Variants in SNCAIP observed in about 807,000 individuals in gnomAD.
The protein encoded by SNCAIP is synuclein alpha interacting protein.
SNCAIP carries 43 observed loss-of-function variants against 86.7 expected under a neutral mutation model. That is an observed-to-expected ratio of 0.50 (90% CI 0.39 to 0.64). The LOEUF (loss-of-function observed/expected upper bound fraction) is 0.64. Among genes scored for constraint, SNCAIP ranks in the 30% least tolerant of loss-of-function variants. The pLI, the probability that SNCAIP is intolerant of heterozygous loss-of-function variation, is 0.00. For synonymous variants in SNCAIP, 417 were observed against 427.2 expected, an observed-to-expected ratio of 0.98 and a Z score of 0.29; for missense variants, 981 against 1,103.1, an observed-to-expected ratio of 0.89 and a Z score of 1.57.
chr5:122,322,960 G>C (rs1043284577), intron 1 of SNCAIP, among the ~76,000 whole-genome samples: 3 of 152,156 alleles, frequency 2.0e-5, no homozygotes, highest in Admixed American at 1.3e-4. Flanking sequence ...GACAGCTCTG[G>C]TGTTCTGTGT....
chr5:122,332,847 C>A (rs984229491), intron 1 of SNCAIP, among the ~76,000 whole-genome samples: 7 of 152,068 alleles, frequency 4.6e-5, no homozygotes, highest in Non-Finnish European at 7.4e-5. Flanking sequence ...AAGCAGGGGG[C>A]AGAAAAGAAA....
At chr5:122,455,447 C>T (rs986995548) in intron 10 of SNCAIP, among the ~76,000 whole-genome samples, 3 of 152,198 alleles carry the variant, frequency 2.0e-5, no homozygotes, top group Non-Finnish European at 2.9e-5. Flanking sequence ...GACTCCAAAT[C>T]TTGGCCCCAA....
At chr5:122,461,364 C>A (rs971532658) in intron 10 of SNCAIP, among the ~76,000 whole-genome samples, 4 of 152,104 alleles carry the variant, frequency 2.6e-5, no homozygotes, top group Middle Eastern at 3.2e-3. Flanking sequence ...CAATCTGGAA[C>A]CCTCAGTACT....
In SNCAIP at chr5:122,330,287, A is replaced by C. The variant is rs1039496002; in HGVS notation, c.-47+18003A>C. On this transcript the variant is annotated intron_variant, in intron 1 of 10. Coordinates refer to ENST00000261368, the MANE Select transcript of SNCAIP (RefSeq NM_005460.4). Reference sequence around the variant, plus strand: ...CAGGCGCCCGCCACTACGCCCGGCTAATTTTTTGTATTTTTAGTAGAGACG... The same window carrying C: ...CAGGCGCCCGCCACTACGCCCGGCTCATTTTTTGTATTTTTAGTAGAGACG... Among the ~76,000 whole-genome samples, 4 of 151,410 alleles carry C rather than the reference A, an allele frequency of 2.6e-5. No homozygotes were observed. The East Asian group carries it at 7.8e-4, about 29-fold the overall frequency.
intron 1 of SNCAIP, among the ~76,000 whole-genome samples, chr5:122,315,267 C>G (rs1413911121): frequency 6.6e-6 from 1 of 152,200 alleles, no homozygotes; most frequent in Non-Finnish European, 1.5e-5. Context: ...TGGCAGTTAT[C>G]AGACTGTTGG....
intron 1 of SNCAIP, among the ~76,000 whole-genome samples, chr5:122,338,208 C>T (rs1756890499): frequency 6.6e-6 from 1 of 152,068 alleles, no homozygotes; most frequent in African/African-American, 2.4e-5. Flanking sequence ...ATGCAGTGTC[C>T]CCTATATATT....
intron 1 of SNCAIP, among the ~76,000 whole-genome samples, chr5:122,326,521 C>A (rs935557653): frequency 6.7e-6 from 1 of 149,982 alleles, no homozygotes; most frequent in Admixed American, 6.7e-5. Flanking sequence ...TTTCAAACCT[C>A]ATGAGTGTAT....
chr5:122,370,295 C>T (rs966480534), intron 1 of SNCAIP, among the ~76,000 whole-genome samples: 4 of 151,672 alleles, frequency 2.6e-5, no homozygotes, highest in Non-Finnish European at 4.4e-5. Flanking sequence ...AATAGCCATG[C>T]AGTTTATTAC....
chr5:122,314,075 A>G (rs1006777526), intron 1 of SNCAIP, among the ~76,000 whole-genome samples: 3 of 152,242 alleles, frequency 2.0e-5, no homozygotes, highest in Non-Finnish European at 4.4e-5. Flanking sequence ...AAAGGAAGTG[A>G]CTAAAGCAAA....
chr5:122,423,863 CT>C, intron 4 of SNCAIP, 124 bp downstream of exon 4: 2 of 851,480 alleles, frequency 2.3e-6, no homozygotes, highest in East Asian at 2.5e-5. Context: ...TTACTTGTGG[CT>C]TTAGTTGGGA....
chr5:122,325,856 G>A (rs1415927554), intron 1 of SNCAIP, among the ~76,000 whole-genome samples: 1 of 152,164 alleles, frequency 6.6e-6, no homozygotes, highest in African/African-American at 2.4e-5. Flanking sequence ...TGAAACAGAG[G>A]TCAAGGGCTA....
intron 1 of SNCAIP, 140 bp from the exon 2 acceptor site, chr5:122,390,949 T>C (rs767907101): frequency 1.6e-6 from 1 of 615,124 alleles, no homozygotes; most frequent in Admixed American, 2.4e-5. Context: ...CTGTGGACAG[T>C]TGAAGGAAGG....
chr5:122,440,822 A>G (rs750866648), intron 7 of SNCAIP, 68 bp downstream of exon 7: 14 of 1,394,734 alleles, frequency 1.0e-5, no homozygotes, highest in Non-Finnish European at 1.4e-5. Flanking sequence ...CATTAAAATT[A>G]TGTTCACTAG....
At chr5:122,361,055 T>A (rs1217186856) in intron 1 of SNCAIP, among the ~76,000 whole-genome samples, 2 of 151,992 alleles carry the variant, frequency 1.3e-5, no homozygotes, top group Admixed American at 6.6e-5. Context: ...TCTATAAAAT[T>A]TGTTAGTTTT....
At chr5:122,343,416 CTTATT>C (rs71990103) in intron 1 of SNCAIP, among the ~76,000 whole-genome samples, 25,949 of 151,972 alleles carry the variant, frequency 0.17, 2,281 homozygotes, top group South Asian at 0.3. Flanking sequence ...CAGATTAGCT[CTTATT>C]TTAACTATAG....
intron 10 of SNCAIP, among the ~76,000 whole-genome samples, chr5:122,454,145 T>C (rs1020228310): frequency 3.3e-5 from 5 of 152,216 alleles, no homozygotes; most frequent in African/African-American, 1.2e-4. Flanking sequence ...CTCCAAAGCA[T>C]GCATGTGGGT....
At position 122,403,837 on chromosome 5, in the gene SNCAIP, A is replaced by G; in HGVS notation, c.102A>G (p.Arg34=). ...SLKTIPELCR[R]CDTQNEDRSV... ...AGACGATCCCAGAACTGTGCCGAAG[A>G]TGTGATACGCAAAACGAAGACAGAT... is the stretch of plus-strand genomic sequence containing the variant. Residue 34 remains arginine (R), a synonymous_variant, in exon 3 of 11, where the codon AGA becomes AGG. Transcript: ENST00000261368. 6.2e-7 allele frequency: 1 copy of G among 1,613,942 alleles called. No individual in the cohort carries two copies. The highest frequency in any genetic ancestry group is 8.5e-7 in the Non-Finnish European group (1 of 1,179,850).
intron 7 of SNCAIP, 27 bp from the exon 8 acceptor site, chr5:122,444,536 A>T: frequency 1.9e-6 from 3 of 1,599,214 alleles, no homozygotes; most frequent in South Asian, 2.2e-5. Context: ...AGATGTCCTG[A>T]TACACATGTC....
At chr5:122,399,410 T>A (rs1188198231) in intron 2 of SNCAIP, among the ~76,000 whole-genome samples, 2 of 152,212 alleles carry the variant, frequency 1.3e-5, no homozygotes, top group African/African-American at 4.8e-5. Flanking sequence ...CCAGATCTTA[T>A]GGCTCCAAAT....
Sources: allele counts gnomAD v4.1 joint callset (sites outside exome capture counted in the v4.1 genomes callset), GRCh38; gene constraint gnomAD v4.1.1; transcripts MANE v1.5; gene names NCBI Gene and HGNC (gene_info 2026-07-23, HGNC 2026-07-21).